The following CSMD1 variants were observed in gnomAD, a reference collection of about 807,000 sequenced individuals.
The protein encoded by CSMD1 is CUB and Sushi multiple domains 1.
Under a neutral mutation model 417.5 loss-of-function variants are expected in CSMD1, and 213 were observed. The observed-to-expected ratio is 0.51, with a 90% CI of 0.46 to 0.57. The LOEUF (loss-of-function observed/expected upper bound fraction) is 0.57. Among genes scored for constraint, CSMD1 ranks in the 20% least tolerant of loss-of-function variants. The probability of loss-of-function intolerance (pLI) is 0.00; values close to 1 mark genes in which losing one functional copy is unlikely to be tolerated. For synonymous variants in CSMD1, 2,862 were observed against 1,736.8 expected (o/e 1.65, Z -16.11); for missense variants, 6,923 against 4,529.7 (o/e 1.53, Z -15.17).
chr8:4,776,235 T>A (rs186012121), intron 1 of CSMD1, among the ~76,000 whole-genome samples: 1 of 152,074 alleles, frequency 6.6e-6, no homozygotes, highest in Non-Finnish European at 1.5e-5. Context: ...GGCCTAAATA[T>A]AGAGAAACAT....
At chr8:3,534,654 T>C (rs573734191) in intron 10 of CSMD1, among the ~76,000 whole-genome samples, 10 of 152,324 alleles carry the variant, frequency 6.6e-5, no homozygotes, top group African/African-American at 1.7e-4. Context: ...GCCATTTCCA[T>C]AGCCAAACAA....
intron 3 of CSMD1, among the ~76,000 whole-genome samples, chr8:4,234,953 G>A (rs1188801966): frequency 2.6e-5 from 4 of 152,126 alleles, no homozygotes; most frequent in Admixed American, 6.5e-5. Flanking sequence ...GATTCTAAGG[G>A]CGGGGTGTTC....
At chr8:3,431,083 C>A (rs551911685) in intron 12 of CSMD1, among the ~76,000 whole-genome samples, 1 of 152,118 alleles carries the variant, frequency 6.6e-6, no homozygotes, top group South Asian at 2.1e-4. Flanking sequence ...GGCTTCCAGA[C>A]TTTCTGTTCT....
chr8:4,887,754 T>G (rs1019068715), intron 1 of CSMD1, among the ~76,000 whole-genome samples: 1 of 152,016 alleles, frequency 6.6e-6, no homozygotes, highest in East Asian at 1.9e-4. Flanking sequence ...TCCTGATGAG[T>G]TGACAATTTT....
chr8:4,138,044 A>ATTTTTTTTTTTTTTTT (rs55993904), intron 3 of CSMD1, among the ~76,000 whole-genome samples: 1 of 62,708 alleles, frequency 1.6e-5, no homozygotes, highest in African/African-American at 6.3e-5. Flanking sequence ...TGCCCGGCTA[A>ATTTTTTTTTTTTTTTT]TTTTTTTTTT....
At chr8:4,505,225 T>G (rs1220455383) in intron 2 of CSMD1, among the ~76,000 whole-genome samples, 1 of 152,198 alleles carries the variant, frequency 6.6e-6, no homozygotes, top group Non-Finnish European at 1.5e-5. Flanking sequence ...TCTTGATTTG[T>G]AGAGAAAGTT....
At chr8:4,879,709 A>G (rs922576802) in intron 1 of CSMD1, among the ~76,000 whole-genome samples, 6 of 152,150 alleles carry the variant, frequency 3.9e-5, no homozygotes, top group Admixed American at 3.3e-4. Context: ...ACTGCGAAAA[A>G]AAGTGCTATT....
At chr8:4,035,028 A>G (rs1346933627) in intron 3 of CSMD1, among the ~76,000 whole-genome samples, 5 of 152,184 alleles carry the variant, frequency 3.3e-5, no homozygotes, top group Admixed American at 3.3e-4. Flanking sequence ...TTTTTCAATT[A>G]ACTTTGGTAT....
At chr8:2,949,170 AAT>A in intron 68 of CSMD1, 127 bp downstream of exon 68, 1 of 584,416 alleles carries the variant, frequency 1.7e-6, no homozygotes, top group Non-Finnish European at 3.0e-6. Flanking sequence ...TCAGCTGTAA[AAT>A]ATGTTAGTCT....
chr8:3,322,508 A>G (rs529638137), intron 23 of CSMD1, among the ~76,000 whole-genome samples: 1 of 152,338 alleles, frequency 6.6e-6, no homozygotes, highest in Admixed American at 6.5e-5. Context: ...GGAAGTTTCC[A>G]GAAGAGAGAG....
At chr8:4,890,909 A>G (rs2116999745) in intron 1 of CSMD1, among the ~76,000 whole-genome samples, 1 of 152,186 alleles carries the variant, frequency 6.6e-6, no homozygotes, top group Admixed American at 6.5e-5. Context: ...ACAAGGAGGG[A>G]GTGGTGCACC....
intron 3 of CSMD1, among the ~76,000 whole-genome samples, chr8:4,228,144 T>G (rs1801476054): frequency 6.6e-6 from 1 of 152,182 alleles, no homozygotes; most frequent in Non-Finnish European, 1.5e-5. Context: ...CCATCCTGCA[T>G]TAAATGCCAC....
chr8:3,661,605 T>A (rs921815190), intron 7 of CSMD1, among the ~76,000 whole-genome samples: 1 of 152,120 alleles, frequency 6.6e-6, no homozygotes, highest in Non-Finnish European at 1.5e-5. Flanking sequence ...CAAGTGATTC[T>A]CCCGCCTCAG....
intron 25 of CSMD1, among the ~76,000 whole-genome samples, chr8:3,305,704 C>T (rs190796022): frequency 6.6e-6 from 1 of 152,272 alleles, no homozygotes; most frequent in East Asian, 1.9e-4. Context: ...TTTCTTGAGA[C>T]ACAGTCTCAC....
At chr8:4,429,504 T>G (rs999336822) in intron 2 of CSMD1, among the ~76,000 whole-genome samples, 1 of 152,226 alleles carries the variant, frequency 6.6e-6, no homozygotes, top group Admixed American at 6.5e-5. Flanking sequence ...TTAGCTTATA[T>G]AATTTGTAGA....
chr8:3,230,062 T>C lies in CSMD1; in HGVS notation c.4323A>G (p.Gln1441=). 1.2e-6 allele frequency: 2 copies of C among 1,608,212 alleles called. No individual in the cohort carries two copies. The highest frequency in any genetic ancestry group is 1.7e-6 in the Non-Finnish European group (2 of 1,176,956). ...CVQLNNRFFW[Q]PDPPTCIAAC... is the part of the protein sequence containing the mutation. Reference sequence around the variant, plus strand: ...TACCTATGCATGTAGGAGGGTCTGGTTGCCAAAAGAACCGGTTATTCAGCT... The same window carrying C: ...TACCTATGCATGTAGGAGGGTCTGGCTGCCAAAAGAACCGGTTATTCAGCT... The change falls in exon 27 of 70, where the codon CAA becomes CAG. Residue 1441 remains glutamine, a synonymous_variant. Transcript: ENST00000635120.
At chr8:4,387,755 A>C (rs1349253866) in intron 3 of CSMD1, among the ~76,000 whole-genome samples, 1 of 152,098 alleles carries the variant, frequency 6.6e-6, no homozygotes, top group East Asian at 1.9e-4. Context: ...CATATTCAAA[A>C]ATCCTATCTG....
intron 3 of CSMD1, among the ~76,000 whole-genome samples, chr8:4,042,793 T>C (rs778236471): frequency 3.1e-5 from 3 of 96,424 alleles, no homozygotes; most frequent in African/African-American, 8.5e-5. Context: ...CGCTATACAA[T>C]AGGTGAAGTG....
chr8:3,828,579 C>A (rs905382240), intron 5 of CSMD1, among the ~76,000 whole-genome samples: 1 of 152,180 alleles, frequency 6.6e-6, no homozygotes, highest in Non-Finnish European at 1.5e-5. Context: ...TTGACTCTCT[C>A]TGCAAAGCAT....
Sources: gnomAD v4.1 joint callset for allele counts (sites outside exome capture counted in the v4.1 genomes callset) on GRCh38, gnomAD v4.1.1 for gene constraint, MANE v1.5 for transcripts, NCBI Gene and HGNC (gene_info 2026-07-23, HGNC 2026-07-21) for gene names.